Variants in RAP1GAP2 observed in about 807,000 individuals in gnomAD.
The protein encoded by RAP1GAP2 is rap1 GTPase-activating protein 2.
In RAP1GAP2, 27 loss-of-function variants were observed where a neutral mutation model predicts 95.0. The observed-to-expected ratio is 0.28, with a 90% CI of 0.21 to 0.39. RAP1GAP2 has a LOEUF of 0.39. RAP1GAP2 is among the 10% of genes least tolerant of loss of function. The pLI, the probability that RAP1GAP2 is intolerant of heterozygous loss-of-function variation, is 1.00. For missense variants in RAP1GAP2, 771 were observed against 970.0 expected (o/e 0.79, Z 2.72); for synonymous variants, 373 against 380.9 (o/e 0.98, Z 0.24).
At chr17:2,796,070 C>T (rs1294854223), upstream of RAP1GAP2, among the ~76,000 whole-genome samples, 3 of 152,180 alleles carry the variant, frequency 2.0e-5, no homozygotes, top group Non-Finnish European at 4.4e-5. The surrounding 1 kb of genome is among the most constrained non-coding windows in gnomAD (Gnocchi z 4.7). Flanking sequence ...CTGTCTCAGG[C>T]AGCCCTCGGG....
intron 1 of RAP1GAP2, among the ~76,000 whole-genome samples, chr17:2,778,031 T>G (rs61687804): frequency 0.011 from 1,428 of 130,838 alleles, 76 homozygotes; most frequent in African/African-American, 0.05. Flanking sequence ...GCTGGGAGGC[T>G]GGGAGGCGGG....
At chr17:2,803,520 A>G (rs2069386272) in intron 2 of RAP1GAP2, among the ~76,000 whole-genome samples, 1 of 152,246 alleles carries the variant, frequency 6.6e-6, no homozygotes, top group Admixed American at 6.5e-5. Context: ...TGAGATTCAC[A>G]TAGAAGTTCA....
At chr17:2,923,540 G>A (rs1388742435) in intron 3 of RAP1GAP2, among the ~76,000 whole-genome samples, 2 of 150,962 alleles carry the variant, frequency 1.3e-5, no homozygotes, top group Admixed American at 6.6e-5. Context: ...CACCATGTTG[G>A]CCAGGCTGGT....
chr17:2,968,523 C>T (rs1490698305), intron 8 of RAP1GAP2, among the ~76,000 whole-genome samples: 1 of 152,042 alleles, frequency 6.6e-6, no homozygotes, highest in Non-Finnish European at 1.5e-5. Flanking sequence ...TGAAAGGAAA[C>T]TAATTGCTGG....
intron 2 of RAP1GAP2, among the ~76,000 whole-genome samples, chr17:2,831,421 C>G (rs1161415849): frequency 6.6e-6 from 1 of 151,784 alleles, no homozygotes; most frequent in Non-Finnish European, 1.5e-5. Context: ...CTACAAAACA[C>G]TGTTTTACAT....
chr17:2,823,047 G>A (rs989013728), intron 2 of RAP1GAP2, among the ~76,000 whole-genome samples: 2 of 152,156 alleles, frequency 1.3e-5, no homozygotes, highest in African/African-American at 4.8e-5. Flanking sequence ...GCCCTGTGGC[G>A]AGTCTCTTGG....
At position 2,904,458 on chromosome 17, in the gene RAP1GAP2, A is replaced by T. The variant is rs2042124714; in HGVS notation, c.81-826A>T. Among the ~76,000 whole-genome samples, 1 of 151,548 alleles carries T rather than the reference A, an allele frequency of 6.6e-6. No individual in the cohort carries two copies. The highest frequency in any genetic ancestry group is 1.5e-5 in the Non-Finnish European group (1 of 67,978). ...CTCTCTACCGTCCTAGCCCACATGG[A>T]CTAAGTTAAGTTTTACCTGCGGTTG... is the stretch of plus-strand genomic sequence containing the variant. On this transcript the variant is annotated intron_variant, in intron 2 of 24. Transcript: ENST00000254695. This position sits in a 1 kb window ranked among gnomAD's most constrained non-coding sequence, Gnocchi z 4.7.
upstream of RAP1GAP2, among the ~76,000 whole-genome samples, chr17:2,776,471 C>A (rs1335985644): frequency 6.6e-6 from 1 of 152,158 alleles, no homozygotes; most frequent in Non-Finnish European, 1.5e-5. Context: ...CGCCTTTGTT[C>A]CGGAGGAGCC....
intron 3 of RAP1GAP2, among the ~76,000 whole-genome samples, chr17:2,928,025 T>C (rs1690073057): frequency 6.6e-6 from 1 of 152,184 alleles, no homozygotes; most frequent in African/African-American, 2.4e-5. Context: ...AGAGGAGCTA[T>C]GACCTTGGTT....
At chr17:2,833,396 C>T (rs2151552158) in intron 2 of RAP1GAP2, among the ~76,000 whole-genome samples, 1 of 152,100 alleles carries the variant, frequency 6.6e-6, no homozygotes, top group South Asian at 2.1e-4. Context: ...CTCAGCCTCC[C>T]AAAGTGTTGG....
chr17:2,778,377 G>A (rs1034933690), intron 1 of RAP1GAP2, among the ~76,000 whole-genome samples: 2 of 152,166 alleles, frequency 1.3e-5, no homozygotes, highest in Non-Finnish European at 2.9e-5. Flanking sequence ...TTACTGGGCA[G>A]AGACAGATGC....
chr17:2,818,991 ATGTGTGTC>A (rs2070163035), intron 2 of RAP1GAP2, among the ~76,000 whole-genome samples: 1 of 151,874 alleles, frequency 6.6e-6, no homozygotes, highest in South Asian at 2.1e-4. Context: ...ATCGTTCTGC[ATGTGTGTC>A]TGTCCACATG....
At chr17:2,847,593 G>C (rs1432575345) in intron 2 of RAP1GAP2, among the ~76,000 whole-genome samples, 1 of 152,196 alleles carries the variant, frequency 6.6e-6, no homozygotes, top group Non-Finnish European at 1.5e-5. Flanking sequence ...GAGTCTGCTG[G>C]TTCTCGCTTT....
chr17:2,869,051 G>C (rs899263227), intron 2 of RAP1GAP2, among the ~76,000 whole-genome samples: 1 of 152,048 alleles, frequency 6.6e-6, no homozygotes, highest in African/African-American at 2.4e-5. Context: ...GAGCTCTCAG[G>C]GGCCTCTTTT....
chr17:2,931,054 A>G (rs2151792261), intron 3 of RAP1GAP2, among the ~76,000 whole-genome samples: 1 of 142,458 alleles, frequency 7.0e-6, no homozygotes, highest in South Asian at 2.4e-4. Context: ...CCTGGGAGGC[A>G]GGGGCTGCAG....
chr17:2,986,839 G>A (rs1203307306), intron 11 of RAP1GAP2, among the ~76,000 whole-genome samples: 3 of 152,172 alleles, frequency 2.0e-5, no homozygotes, highest in South Asian at 4.1e-4. Context: ...CACAGCACAC[G>A]CTGCATTGTT....
At chr17:2,792,566 T>C (rs2068952091), upstream of RAP1GAP2, among the ~76,000 whole-genome samples, 1 of 152,192 alleles carries the variant, frequency 6.6e-6, no homozygotes, top group Admixed American at 6.5e-5. Flanking sequence ...CCTTCCCCCT[T>C]TCCAGCCCTC....
intron 17 of RAP1GAP2, among the ~76,000 whole-genome samples, chr17:3,014,120 C>T (rs975545645): frequency 3.3e-5 from 5 of 149,308 alleles, no homozygotes; most frequent in East Asian, 2.0e-4. Context: ...CTAGGACACA[C>T]GTCGGCTATA....
chr17:2,980,065 C>G (rs1304716703), intron 8 of RAP1GAP2, among the ~76,000 whole-genome samples: 3 of 151,986 alleles, frequency 2.0e-5, no homozygotes, highest in African/African-American at 4.8e-5. Context: ...CTTAGCCTCC[C>G]AAGTAGCTGG....
Sources: allele counts gnomAD v4.1 joint callset (sites outside exome capture counted in the v4.1 genomes callset), GRCh38; gene constraint gnomAD v4.1.1; non-coding constraint Gnocchi (gnomAD v3.1); transcripts MANE v1.5; gene names NCBI Gene and HGNC (gene_info 2026-07-23, HGNC 2026-07-21).